Variants in AFAP1L2 observed in about 807,000 individuals in gnomAD.
AFAP1L2 encodes the protein actin filament-associated protein 1-like 2.
In AFAP1L2, 46 loss-of-function variants were observed where a neutral mutation model predicts 99.3. The ratio of observed to expected loss-of-function variants is 0.46; its 90% CI spans 0.37 to 0.59. The LOEUF (loss-of-function observed/expected upper bound fraction) is 0.59, where lower values mean the gene tolerates loss of function less well. Ranked by LOEUF, AFAP1L2 falls within the 20% of genes least tolerant of loss-of-function variation. AFAP1L2 has a pLI of 0.00. For missense variants in AFAP1L2, 959 were observed against 1,034.9 expected (o/e 0.93, Z 1.01); for synonymous variants, 397 against 419.1 (o/e 0.95, Z 0.64).
chr10:114,328,336 G>T (rs12268811), intron 4 of AFAP1L2, among the ~76,000 whole-genome samples: 1 of 152,234 alleles, frequency 6.6e-6, no homozygotes, highest in African/African-American at 2.4e-5. Context: ...GAGGACCCCA[G>T]GTGGATGTCC....
At chr10:114,371,411 C>A (rs1425533017) in intron 1 of AFAP1L2, among the ~76,000 whole-genome samples, 1 of 152,114 alleles carries the variant, frequency 6.6e-6, no homozygotes, top group Non-Finnish European at 1.5e-5. Flanking sequence ...AACACTGATT[C>A]TGAAGAAAGT....
chr10:114,366,518 T>C (rs1452031892), intron 1 of AFAP1L2, among the ~76,000 whole-genome samples: 1 of 152,176 alleles, frequency 6.6e-6, no homozygotes, highest in Non-Finnish European at 1.5e-5. Context: ...TACTCCACAC[T>C]TCAACTAGAG....
At position 114,335,825 on chromosome 10, in the gene AFAP1L2, G is replaced by A. The variant is rs758461702; in HGVS notation, c.146-2530C>T. 1.1e-3 allele frequency among the ~76,000 whole-genome samples: 164 copies of A among 152,238 alleles called. 1 individual carries two copies. Among genetic ancestry groups the A allele is most frequent in the Non-Finnish European group, 1.9e-3 (126 of 68,008 alleles). On this transcript the variant is annotated intron_variant, in intron 2 of 18. Coordinates refer to ENST00000304129, the MANE Select transcript of AFAP1L2 (RefSeq NM_001001936.3). Reference sequence around the variant, plus strand: ...GAATCGTCAACACATGGAAATGTGTGCATGCAGCAATTCTAAATATAAAAA... The same window carrying A: ...GAATCGTCAACACATGGAAATGTGTACATGCAGCAATTCTAAATATAAAAA...
chr10:114,379,890 C>G (rs1180431563), intron 1 of AFAP1L2, among the ~76,000 whole-genome samples: 1 of 152,200 alleles, frequency 6.6e-6, no homozygotes, highest in African/African-American at 2.4e-5. Context: ...AAGACTGGGT[C>G]TGCCTGGGAA....
intron 1 of AFAP1L2, among the ~76,000 whole-genome samples, chr10:114,400,934 T>C (rs2058174380): frequency 6.6e-6 from 1 of 152,222 alleles, no homozygotes; most frequent in Admixed American, 6.5e-5. Flanking sequence ...TTCGTAGGCA[T>C]TGAAAAATAA....
chr10:114,297,150 G>GGCCCCCC, intron 17 of AFAP1L2, 50 bp from the exon 18 acceptor site: 1 of 1,587,910 alleles, frequency 6.3e-7, no homozygotes, highest in Non-Finnish European at 8.6e-7. Context: ...AGGGAGATGT[G>GGCCCCCC]ACCCACCCAC....
intron 16 of AFAP1L2, among the ~76,000 whole-genome samples, chr10:114,298,845 C>A (rs759204805): frequency 1.3e-5 from 2 of 152,144 alleles, no homozygotes; most frequent in Non-Finnish European, 2.9e-5. Flanking sequence ...AAGGCTGATG[C>A]ATTAACAGGT....
intron 1 of AFAP1L2, among the ~76,000 whole-genome samples, chr10:114,347,164 T>G (rs2049730122): frequency 6.6e-6 from 1 of 152,174 alleles, no homozygotes; most frequent in Non-Finnish European, 1.5e-5. Context: ...TGTATTATCC[T>G]CATGAGCCCA....
chr10:114,331,771 A>T (rs912632361), intron 4 of AFAP1L2, 32 bp downstream of exon 4: 7 of 1,317,376 alleles, frequency 5.3e-6, no homozygotes, highest in Non-Finnish European at 6.9e-6. Context: ...GGCTCACGTC[A>T]GGGAAATCAG....
intron 6 of AFAP1L2, among the ~76,000 whole-genome samples, chr10:114,314,859 A>G (rs749829942): frequency 3.3e-5 from 5 of 152,230 alleles, no homozygotes; most frequent in Non-Finnish European, 5.9e-5. Context: ...AACAGTAGCC[A>G]GGGCTGGGCG....
intron 1 of AFAP1L2, among the ~76,000 whole-genome samples, chr10:114,394,982 T>C (rs490607): frequency 0.65 from 99,298 of 151,888 alleles, 32,594 homozygotes; most frequent in African/African-American, 0.71. Context: ...GCCACGATCC[T>C]CAGCCACAAT....
chr10:114,363,971 C>T (rs1014401093), intron 1 of AFAP1L2, among the ~76,000 whole-genome samples: 1 of 152,144 alleles, frequency 6.6e-6, no homozygotes, highest in Admixed American at 6.5e-5. Context: ...ATCCTAAAAG[C>T]CCATTCCTTT....
At chr10:114,333,184 G>A (rs758167127) in intron 3 of AFAP1L2, 37 bp downstream of exon 3, 10 of 1,575,654 alleles carry the variant, frequency 6.3e-6, no homozygotes, top group Non-Finnish European at 8.7e-6. Flanking sequence ...TCCCAGGAGT[G>A]GCCATCATAC....
chr10:114,331,568 T>TA (rs2047237708), intron 4 of AFAP1L2, among the ~76,000 whole-genome samples: 2 of 152,182 alleles, frequency 1.3e-5, no homozygotes, highest in Admixed American at 1.3e-4. Flanking sequence ...CAGGTGGCAC[T>TA]CAATCAAATG....
chr10:114,334,230 G>A (rs2047615939), intron 2 of AFAP1L2, among the ~76,000 whole-genome samples: 1 of 151,766 alleles, frequency 6.6e-6, no homozygotes, highest in African/African-American at 2.4e-5. Flanking sequence ...TCCCATGCCT[G>A]CCTGGGCAGA....
chr10:114,284,365 G>A, the AFAP1L2 span, among the ~76,000 whole-genome samples: 4 of 152,254 alleles, frequency 2.6e-5, no homozygotes, highest in East Asian at 5.8e-4. Flanking sequence ...TTTTAGATGA[G>A]GATATGAAGA....
At chr10:114,343,323 C>T (rs894755052) in intron 1 of AFAP1L2, among the ~76,000 whole-genome samples, 6 of 152,240 alleles carry the variant, frequency 3.9e-5, no homozygotes, top group Non-Finnish European at 8.8e-5. Flanking sequence ...ACCCTTGGCA[C>T]CTCCTGCTTT....
intron 16 of AFAP1L2, among the ~76,000 whole-genome samples, chr10:114,298,424 A>G (rs961173442): frequency 6.6e-6 from 1 of 152,160 alleles, no homozygotes; most frequent in African/African-American, 2.4e-5. Flanking sequence ...ACCTTCCCTC[A>G]CCAGTCAGCT....
At chr10:114,366,731 G>C (rs892235355) in intron 1 of AFAP1L2, among the ~76,000 whole-genome samples, 2 of 152,196 alleles carry the variant, frequency 1.3e-5, no homozygotes, top group Admixed American at 1.3e-4. Flanking sequence ...ACTTTGGGAG[G>C]CCAAGGCGGT....
Sources: allele counts gnomAD v4.1 joint callset (sites outside exome capture counted in the v4.1 genomes callset), GRCh38; gene constraint gnomAD v4.1.1; transcripts MANE v1.5; gene names NCBI Gene and HGNC (gene_info 2026-07-23, HGNC 2026-07-21).